SPIDR: variants seen among roughly 807,000 people sequenced by gnomAD.
SPIDR encodes scaffold protein involved in DNA repair.
A neutral mutation model predicts 104.6 loss-of-function variants in SPIDR; 93 were observed. The observed-to-expected ratio is 0.89, with a 90% CI of 0.75 to 1.06. The LOEUF (loss-of-function observed/expected upper bound fraction) is 1.06, where lower values mean the gene tolerates loss of function less well. Ranked by LOEUF, SPIDR falls within the 50% of genes least tolerant of loss-of-function variation. The pLI is 0.00. For missense variants in SPIDR, 1,154 were observed against 1,111.2 expected (o/e 1.04, Z -0.55); for synonymous variants, 431 against 416.9 (o/e 1.03, Z -0.41).
intron 8 of SPIDR, among the ~76,000 whole-genome samples, chr8:47,566,402 T>C (rs1416778920): frequency 6.6e-6 from 1 of 152,058 alleles, no homozygotes; most frequent in African/African-American, 2.4e-5. Flanking sequence ...CTACTTCCCT[T>C]TTCTTCCAGT....
intron 10 of SPIDR, among the ~76,000 whole-genome samples, chr8:47,630,213 A>G (rs1330721874): frequency 6.6e-6 from 1 of 152,210 alleles, no homozygotes; most frequent in Non-Finnish European, 1.5e-5. Context: ...TTATAGGAGA[A>G]TTTATTGTTC....
intron 7 of SPIDR, among the ~76,000 whole-genome samples, chr8:47,429,074 G>A (rs1406716688): frequency 2.0e-5 from 3 of 152,214 alleles, no homozygotes; most frequent in Admixed American, 6.5e-5. Flanking sequence ...GAAACAAACT[G>A]TGATACTAGT....
At chr8:47,702,548 C>T (rs906214797) in intron 14 of SPIDR, among the ~76,000 whole-genome samples, 3 of 152,100 alleles carry the variant, frequency 2.0e-5, no homozygotes, top group African/African-American at 7.2e-5. Context: ...GGAGCAGTGG[C>T]CTAGAGGAGC....
intron 8 of SPIDR, among the ~76,000 whole-genome samples, chr8:47,554,518 G>T (rs1354042874): frequency 2.6e-5 from 4 of 152,224 alleles, no homozygotes. Context: ...CTAGCATTGA[G>T]CTAGGCTCCG....
chr8:47,683,856 G>A (rs1192393361), intron 11 of SPIDR, among the ~76,000 whole-genome samples: 1 of 152,082 alleles, frequency 6.6e-6, no homozygotes, highest in Non-Finnish European at 1.5e-5. Flanking sequence ...GCCGGGCATG[G>A]TGGCTCACAC....
At chr8:47,665,019 CGA>C (rs937414668) in intron 10 of SPIDR, among the ~76,000 whole-genome samples, 7 of 151,690 alleles carry the variant, frequency 4.6e-5, no homozygotes, top group African/African-American at 1.7e-4. Flanking sequence ...AATGAGAGTG[CGA>C]GAGAGAGAGG....
At chr8:47,295,901 C>T (rs2040754665) in intron 5 of SPIDR, among the ~76,000 whole-genome samples, 3 of 152,054 alleles carry the variant, frequency 2.0e-5, no homozygotes, top group Non-Finnish European at 4.4e-5. Flanking sequence ...TTTACATTCC[C>T]ACCAACAATG....
rs377012976 is a variant in SPIDR at position 47,596,616 on chromosome 8, T to C, written c.1293+610T>C. 3.8e-3 allele frequency among the ~76,000 whole-genome samples: 577 copies of C among 152,314 alleles called. 3 individuals are homozygous for C. Among genetic ancestry groups the C allele is most frequent in the South Asian group, 0.023 (109 of 4,832 alleles). ...TGAATGTGAAGGCCTCGGACACTACTGTAGACTTTATAAACCCTGAACACT... is the reference window on the plus strand; with the variant it reads ...TGAATGTGAAGGCCTCGGACACTACCGTAGACTTTATAAACCCTGAACACT... On this transcript the variant is annotated intron_variant, in intron 9 of 19. Coordinates refer to ENST00000297423, the MANE Select transcript of SPIDR (RefSeq NM_001080394.4).
At chr8:47,310,583 A>G (rs1171587834) in intron 5 of SPIDR, among the ~76,000 whole-genome samples, 1 of 152,164 alleles carries the variant, frequency 6.6e-6, no homozygotes, top group African/African-American at 2.4e-5. Flanking sequence ...TAAGATGAGC[A>G]TTTCATTTTT....
At chr8:47,634,049 C>T (rs1055967515) in intron 10 of SPIDR, among the ~76,000 whole-genome samples, 3 of 150,928 alleles carry the variant, frequency 2.0e-5, no homozygotes, top group East Asian at 3.9e-4. Context: ...GAGCCAAGAT[C>T]GTGCCACTGC....
chr8:47,440,479 C>G lies in SPIDR; in HGVS notation c.1034C>G (p.Thr345Ser), dbSNP rs782048215. 9 of 1,614,104 alleles carry G rather than the reference C, an allele frequency of 5.6e-6. No homozygotes were observed. Among genetic ancestry groups the G allele is most frequent in the Non-Finnish European group, 6.8e-6 (8 of 1,180,036 alleles). Residue 345 changes from threonine to serine, a missense_variant, in exon 8 of 20, where the codon ACC (threonine) becomes AGC (serine). Thr to Ser is a moderately conservative substitution (Grantham distance 58). Transcript: ENST00000297423. ...RPGAGLKVLF[T>S]KETAGYLRGR... ...GGAGCTGGCCTGAAAGTTCTCTTCA[C>G]CAAGGAGACTGCAGGCTACCTCAGG...
At chr8:47,346,655 T>G (rs1384397534) in intron 5 of SPIDR, among the ~76,000 whole-genome samples, 1 of 152,244 alleles carries the variant, frequency 6.6e-6, no homozygotes, top group Non-Finnish European at 1.5e-5. Flanking sequence ...ATTGGTCTAT[T>G]CAGAGATTTA....
intron 8 of SPIDR, among the ~76,000 whole-genome samples, chr8:47,535,919 T>G (rs192928146): frequency 6.6e-6 from 1 of 152,256 alleles, no homozygotes; most frequent in East Asian, 1.9e-4. Context: ...TATGTAGAAA[T>G]TCCAGAGAAT....
At chr8:47,725,311 C>G (rs960852125) in intron 16 of SPIDR, among the ~76,000 whole-genome samples, 5 of 152,200 alleles carry the variant, frequency 3.3e-5, no homozygotes, top group Non-Finnish European at 2.9e-5. Flanking sequence ...AAACTGCTGG[C>G]AAGTTCATGA....
chr8:47,391,522 C>T (rs781790555), intron 5 of SPIDR, among the ~76,000 whole-genome samples: 28 of 152,070 alleles, frequency 1.8e-4, no homozygotes, highest in Non-Finnish European at 2.9e-4. Context: ...GCCTGGGCAA[C>T]GGAGTGAGAT....
chr8:47,619,618 CT>C (rs34943473), intron 10 of SPIDR, among the ~76,000 whole-genome samples: 66,495 of 144,648 alleles, frequency 0.46, 17,258 homozygotes, highest in East Asian at 0.64. Flanking sequence ...GTATATTACC[CT>C]TTTTTTTTTT....
chr8:47,306,575 A>G (rs1182080112), intron 5 of SPIDR, among the ~76,000 whole-genome samples: 1 of 152,172 alleles, frequency 6.6e-6, no homozygotes, highest in Non-Finnish European at 1.5e-5. Flanking sequence ...TATGTATGCT[A>G]TTGTTGGGTA....
chr8:47,637,398 C>T (rs540099796), intron 10 of SPIDR, among the ~76,000 whole-genome samples: 1 of 152,116 alleles, frequency 6.6e-6, no homozygotes, highest in Non-Finnish European at 1.5e-5. Flanking sequence ...GGTGAAATCC[C>T]TTCTCTACTA....
At chr8:47,664,139 C>A (rs1383619883) in intron 10 of SPIDR, among the ~76,000 whole-genome samples, 1 of 152,176 alleles carries the variant, frequency 6.6e-6, no homozygotes, top group Non-Finnish European at 1.5e-5. Flanking sequence ...CCCTCTTCCC[C>A]CAGCCCCCAG....
Sources: allele counts gnomAD v4.1 joint callset (sites outside exome capture counted in the v4.1 genomes callset), GRCh38; gene constraint gnomAD v4.1.1; transcripts MANE v1.5; gene names NCBI Gene and HGNC (gene_info 2026-07-23, HGNC 2026-07-21).